PPA1: variants seen among roughly 807,000 people sequenced by gnomAD.
The protein encoded by PPA1 is inorganic pyrophosphatase.
A neutral mutation model predicts 41.8 loss-of-function variants in PPA1; 23 were observed. That is an observed-to-expected ratio of 0.55 (90% CI 0.40 to 0.78). The LOEUF is 0.78. Ranked by LOEUF, PPA1 falls within the 30% of genes least tolerant of loss-of-function variation. The pLI is 0.00. For missense variants in PPA1, 320 were observed against 361.6 expected (o/e 0.89, Z 0.93); for synonymous variants, 101 against 116.8 (o/e 0.86, Z 0.87).
Position 70,206,340 on chromosome 10 carries a change from A to C in PPA1, c.726-7T>G, listed in dbSNP as rs367791626. 1.4e-5 allele frequency: 22 copies of C among 1,603,884 alleles called. No homozygotes were observed. Among genetic ancestry groups the C allele is most frequent in the Non-Finnish European group, 1.9e-5 (22 of 1,171,086 alleles). ...AGACAAAGTTGTATTCATGCTATTA[A>C]ATAAAACAAAAGTAGTCATAAGACA... On this transcript the variant is annotated splice_polypyrimidine_tract_variant and splice_region_variant and intron_variant, in intron 8 of 10. Coordinates refer to ENST00000373232, the MANE Select transcript of PPA1 (RefSeq NM_021129.4).
intron 6 of PPA1, chr10:70,209,962 CA>C (rs1427880171): frequency 2.5e-6 from 1 of 397,284 alleles, no homozygotes; most frequent in Non-Finnish European, 4.5e-6. Context: ...ACAATCAGTA[CA>C]ATAGTAATCT....
In PPA1 at chr10:70,213,621, T is replaced by A. The variant is rs374933912; in HGVS notation, c.385-32A>T. On this transcript the variant is annotated intron_variant, in intron 5 of 10. Transcript: ENST00000373232. Reference sequence around the variant, plus strand: ...GTCAATAGCCAAAGTCAGGACAACATTACAGAACCACACTCTAGAAGACAG... The same window carrying A: ...GTCAATAGCCAAAGTCAGGACAACAATACAGAACCACACTCTAGAAGACAG... 2.6e-5 allele frequency: 42 copies of A among 1,609,994 alleles called. No individual in the cohort carries two copies. The East Asian group carries it at 8.9e-4, about 34-fold the overall frequency.
Position 70,217,825 on chromosome 10 carries a change from C to T in PPA1, c.284G>A (p.Gly95Asp). 1.3e-6 allele frequency: 2 copies of T among 1,576,772 alleles called. No individual in the cohort carries two copies. The highest frequency in any genetic ancestry group is 2.7e-5 in the African/African-American group (2 of 74,144). The change falls in exon 4 of 11, where the codon GGT (glycine) becomes GAT (aspartate). Residue 95 changes from glycine to aspartate, a missense_variant. Transcript: ENST00000373232. ...ATGAAGACATACCTGAGGGATGGCA[C>T]CATAGTTCCAGATATATCCTTTATA... ...FPYKGYIWNY[G>D]AIPQTWEDPG... is the part of the protein sequence containing the mutation.
At chr10:70,203,262 T>A in intron 10 of PPA1, 76 bp from the exon 11 acceptor site, 1 of 1,261,900 alleles carries the variant, frequency 7.9e-7, no homozygotes, top group Non-Finnish European at 1.1e-6. Context: ...TAACAAAGAC[T>A]AATATACTTG....
intron 8 of PPA1, 22 bp downstream of exon 8, chr10:70,209,183 C>T (rs777167500): frequency 1.5e-5 from 23 of 1,516,566 alleles, no homozygotes; most frequent in Non-Finnish European, 2.1e-5. Context: ...GTGTGTTAAA[C>T]ATGCAAAGTG....
chr10:70,210,150 A>G (rs572052918), intron 6 of PPA1: 1 of 319,338 alleles, frequency 3.1e-6, no homozygotes, highest in East Asian at 1.1e-4. Context: ...GGCCCGAACA[A>G]GGCTCACTGC....
At chr10:70,210,964 C>T (rs915334998) in intron 6 of PPA1, among the ~76,000 whole-genome samples, 9 of 152,008 alleles carry the variant, frequency 5.9e-5, no homozygotes, top group Admixed American at 6.6e-5. Context: ...GATGGGGTTT[C>T]GTGTTAGCTA....
At chr10:70,227,057 T>C (rs1178846607) in intron 2 of PPA1, among the ~76,000 whole-genome samples, 1 of 152,236 alleles carries the variant, frequency 6.6e-6, no homozygotes, top group South Asian at 2.1e-4. Flanking sequence ...TAGAGAAAGC[T>C]TTTATCTACC....
At chr10:70,224,246 C>CA (rs58480019) in intron 2 of PPA1, among the ~76,000 whole-genome samples, 1,185 of 69,442 alleles carry the variant, frequency 0.017, 35 homozygotes, top group African/African-American at 0.023. Context: ...CCTGTCTCTA[C>CA]AAAAAAAAAA....
At chr10:70,215,819 C>T (rs1368189288) in intron 4 of PPA1, among the ~76,000 whole-genome samples, 2 of 152,142 alleles carry the variant, frequency 1.3e-5, no homozygotes, top group Non-Finnish European at 2.9e-5. Flanking sequence ...TCATCACTGA[C>T]CAGGAGCCCG....
intron 8 of PPA1, among the ~76,000 whole-genome samples, chr10:70,207,667 A>G (rs946101420): frequency 9.2e-5 from 14 of 152,044 alleles, no homozygotes; most frequent in Admixed American, 3.3e-4. Flanking sequence ...AAAAAAAATT[A>G]TATCTTTTAT....
intron 1 of PPA1, 81 bp downstream of exon 1, chr10:70,233,183 G>C (rs1257504355): frequency 2.0e-5 from 29 of 1,449,342 alleles, no homozygotes; most frequent in Non-Finnish European, 2.7e-5. Flanking sequence ...GCCGAGCGCG[G>C]GCCGCACCCT....
intron 2 of PPA1, among the ~76,000 whole-genome samples, chr10:70,219,489 C>T (rs939829769): frequency 6.6e-6 from 1 of 152,132 alleles, no homozygotes; most frequent in Non-Finnish European, 1.5e-5. Flanking sequence ...GTTTATAAGA[C>T]GAACCCCACA....
intron 6 of PPA1, among the ~76,000 whole-genome samples, chr10:70,212,095 CTGTACTCTT>C (rs1840026541): frequency 6.6e-6 from 1 of 152,234 alleles, no homozygotes; most frequent in South Asian, 2.1e-4. Flanking sequence ...CTTACCCACA[CTGTACTCTT>C]TGGAAGGAAG....
chr10:70,220,965 ATT>A (rs1284238789), intron 2 of PPA1, among the ~76,000 whole-genome samples: 3 of 33,398 alleles, frequency 9.0e-5, no homozygotes, highest in Non-Finnish European at 1.4e-4. Context: ...AATATATATA[ATT>A]TTTATATATA....
chr10:70,217,967 G>C lies in PPA1; in HGVS notation c.178-36C>G, dbSNP rs1351023542. 5 of 1,488,548 alleles carry C rather than the reference G, an allele frequency of 3.4e-6. No homozygotes were observed. The South Asian group carries it at 3.9e-5, about 12-fold the overall frequency. 92.2% of individuals were successfully genotyped at this position (1,488,548 alleles called of 1,614,324 possible). On this transcript the variant is annotated intron_variant, in intron 3 of 10. Transcript: ENST00000373232. ...AAAATTTCAAATCTTTGCATATTTG[G>C]ATGTGAAATACTATTCAAATAAGGA...
chr10:70,229,019 C>T (rs1225850506), intron 2 of PPA1, among the ~76,000 whole-genome samples: 1 of 152,094 alleles, frequency 6.6e-6, no homozygotes, highest in Non-Finnish European at 1.5e-5. Flanking sequence ...AACCTTTGTA[C>T]TCAATGTGAA....
intron 2 of PPA1, among the ~76,000 whole-genome samples, chr10:70,221,076 A>ATATATTTTTTTTT (rs1224550178): frequency 2.5e-5 from 1 of 40,048 alleles, no homozygotes; most frequent in African/African-American, 2.0e-4. Flanking sequence ...ATATATATAT[A>ATATATTTTTTTTT]TTTTTTTTTT....
intron 2 of PPA1, among the ~76,000 whole-genome samples, chr10:70,223,209 T>A (rs1470821929): frequency 1.3e-5 from 1 of 78,398 alleles, no homozygotes; most frequent in Non-Finnish European, 2.4e-5. Context: ...TTAAAAAACA[T>A]TTTTTTAAAG....
Sources: gnomAD v4.1 joint callset for allele counts (sites outside exome capture counted in the v4.1 genomes callset) on GRCh38, gnomAD v4.1.1 for gene constraint, MANE v1.5 for transcripts, NCBI Gene and HGNC (gene_info 2026-07-23, HGNC 2026-07-21) for gene names.